The following RPH3AL variants were observed in gnomAD, a reference collection of about 807,000 sequenced individuals.
RPH3AL encodes the protein rab effector Noc2.
A neutral mutation model predicts 43.1 loss-of-function variants in RPH3AL; 38 were observed. The ratio of observed to expected loss-of-function variants is 0.88; its 90% CI spans 0.68 to 1.15. RPH3AL has a LOEUF of 1.15. RPH3AL is among the 50% of genes most tolerant of loss of function. The pLI is 0.00. For synonymous variants in RPH3AL, 189 were observed against 176.3 expected (o/e 1.07, Z -0.57); for missense variants, 462 against 423.2 (o/e 1.09, Z -0.81).
intron 5 of RPH3AL, among the ~76,000 whole-genome samples, chr17:308,758 G>A (rs377217748): frequency 1.3e-5 from 2 of 152,168 alleles, no homozygotes; most frequent in South Asian, 4.1e-4. Context: ...GAACATCCAG[G>A]TGAGGTCCTC....
At chr17:277,688 C>T (rs1299458624) in intron 6 of RPH3AL, among the ~76,000 whole-genome samples, 3 of 152,120 alleles carry the variant, frequency 2.0e-5, no homozygotes, top group Non-Finnish European at 2.9e-5. Context: ...GGTGTAGTGG[C>T]TCACGCCTGT....
At chr17:226,745 G>A (rs1274878731) in intron 7 of RPH3AL, among the ~76,000 whole-genome samples, 2 of 152,178 alleles carry the variant, frequency 1.3e-5, no homozygotes, top group East Asian at 1.9e-4. Flanking sequence ...TTTGCCATTC[G>A]ATTGCTGTTG....
chr17:268,553 G>T (rs990637842), intron 6 of RPH3AL, among the ~76,000 whole-genome samples: 19 of 74,546 alleles, frequency 2.5e-4, no homozygotes, highest in South Asian at 1.2e-3. Flanking sequence ...ATGTTTTTGG[G>T]TTTTTTTTTT....
At chr17:253,658 C>T in intron 6 of RPH3AL, among the ~76,000 whole-genome samples, 1 of 151,974 alleles carries the variant, frequency 6.6e-6, no homozygotes, top group Admixed American at 6.6e-5. Flanking sequence ...CCCCAGTCTG[C>T]TGTCTGTCCC....
At chr17:276,399 C>T (rs2042656164) in intron 6 of RPH3AL, among the ~76,000 whole-genome samples, 1 of 152,100 alleles carries the variant, frequency 6.6e-6, no homozygotes, top group Non-Finnish European at 1.5e-5. Flanking sequence ...AGAGACAGGG[C>T]CTTGCTCTAA....
chr17:218,878 C>G (rs1181248225), intron 8 of RPH3AL, among the ~76,000 whole-genome samples: 1 of 152,174 alleles, frequency 6.6e-6, no homozygotes, highest in Non-Finnish European at 1.5e-5. Context: ...CAGGACTGAC[C>G]TAGTGCAGGG....
intron 7 of RPH3AL, among the ~76,000 whole-genome samples, chr17:239,633 T>C (rs1216460268): frequency 6.6e-6 from 1 of 152,182 alleles, no homozygotes; most frequent in East Asian, 1.9e-4. Context: ...TGTTTTGTTT[T>C]GTTTTTTTGA....
Position 290,967 on chromosome 17 carries a change from C to T in RPH3AL, c.352-9113G>A, listed in dbSNP as rs2043035293. On this transcript the variant is annotated intron_variant, in intron 5 of 9. Transcript: ENST00000331302. The surrounding 1 kb of genome is among the most constrained non-coding windows in gnomAD (Gnocchi z 4.2). Reference sequence around the variant, plus strand: ...CGCTCAAACGTCCTGTACAAGGAGGCCTGGACCATCCATGGCACAGAGAGG... The same window carrying T: ...CGCTCAAACGTCCTGTACAAGGAGGTCTGGACCATCCATGGCACAGAGAGG... 1.3e-5 allele frequency among the ~76,000 whole-genome samples: 2 copies of T among 151,808 alleles called. No individual in the cohort carries two copies. Among genetic ancestry groups the T allele is most frequent in the African/African-American group, 4.8e-5 (2 of 41,288 alleles).
chr17:280,424 G>A (rs975562093), intron 6 of RPH3AL, among the ~76,000 whole-genome samples: 1 of 152,194 alleles, frequency 6.6e-6, no homozygotes. Context: ...GTCACGGCTG[G>A]GATGAGGGTC....
chr17:334,291 G>A (rs184075995), intron 1 of RPH3AL, among the ~76,000 whole-genome samples: 90 of 152,330 alleles, frequency 5.9e-4, no homozygotes, highest in African/African-American at 9.9e-4. Context: ...AACAACAGCC[G>A]CCCGCAGCTG....
At chr17:268,371 C>G (rs564052948) in intron 6 of RPH3AL, among the ~76,000 whole-genome samples, 1 of 152,132 alleles carries the variant, frequency 6.6e-6, no homozygotes, top group East Asian at 1.9e-4. Flanking sequence ...TCATGATTTT[C>G]TTAATAACAT....
chr17:343,931 C>CATCAT (rs2045182364), intron 1 of RPH3AL, among the ~76,000 whole-genome samples: 7 of 123,978 alleles, frequency 5.6e-5, no homozygotes. Context: ...CTCATCATCA[C>CATCAT]CATCATCATC....
At position 225,160 on chromosome 17, in the gene RPH3AL, T is replaced by A. The variant is rs910359611; in HGVS notation, c.614-5424A>T. Among the ~76,000 whole-genome samples the A allele has an allele frequency of 6.7e-6, 1 of 149,984 alleles. No homozygotes were observed. Among genetic ancestry groups the A allele is most frequent in the Non-Finnish European group, 1.5e-5 (1 of 67,698 alleles). On this transcript the variant is annotated intron_variant, in intron 7 of 9. Transcript: ENST00000331302. This position sits in a 1 kb window ranked among gnomAD's most constrained non-coding sequence, Gnocchi z 4.4. ...GATGAGCATGGGATCAGGCCTGGCCTCTCCTTCCTCCATCTGCTCAGAGGC... is the reference window on the plus strand; with the variant it reads ...GATGAGCATGGGATCAGGCCTGGCCACTCCTTCCTCCATCTGCTCAGAGGC...
chr17:323,517 G>A lies in RPH3AL; in HGVS notation c.78-2102C>T, dbSNP rs374780273. Among the ~76,000 whole-genome samples the A allele has an allele frequency of 2.6e-5, 4 of 152,316 alleles. No homozygotes were observed. The East Asian group carries it at 5.8e-4, about 22-fold the overall frequency. The stretch of plus-strand genomic sequence containing the variant: ...CATCTGAGCATTTCGGAGGCTCCAG[G>A]GGTCAGTGATGGGCCAGGACACACT... On this transcript the variant is annotated intron_variant, in intron 3 of 9. Transcript: ENST00000331302. This position sits in a 1 kb window ranked among gnomAD's most constrained non-coding sequence, Gnocchi z 4.4.
Position 245,510 on chromosome 17 carries a change from G to A in RPH3AL, c.613+1601C>T, listed in dbSNP as rs1214082468. On this transcript the variant is annotated intron_variant, in intron 7 of 9. Coordinates refer to ENST00000331302, the MANE Select transcript of RPH3AL (RefSeq NM_006987.4). This position sits in a 1 kb window ranked among gnomAD's most constrained non-coding sequence, Gnocchi z 5.9. ...GTGTATGCCCTGACTTGGAGCAGAC[G>A]GGGCAGTGGCAGCTCTTGAAGTGGG... 6.6e-6 allele frequency among the ~76,000 whole-genome samples: 1 copy of A among 151,922 alleles called. No individual in the cohort carries two copies. The highest frequency in any genetic ancestry group is 1.5e-5 in the Non-Finnish European group (1 of 67,982).
At chr17:227,877 CA>C (rs200247717) in intron 7 of RPH3AL, among the ~76,000 whole-genome samples, 5 of 149,986 alleles carry the variant, frequency 3.3e-5, no homozygotes, top group South Asian at 4.2e-4. Flanking sequence ...ATACTAAAAA[CA>C]AAAAAAAAAT....
chr17:279,830 G>A (rs1157575524), intron 6 of RPH3AL, among the ~76,000 whole-genome samples: 2 of 152,218 alleles, frequency 1.3e-5, no homozygotes, highest in Non-Finnish European at 2.9e-5. Flanking sequence ...GAGATTTCTG[G>A]CTGAAGAGGA....
intron 5 of RPH3AL, among the ~76,000 whole-genome samples, chr17:317,791 T>G (rs955772174): frequency 3.9e-5 from 6 of 152,228 alleles, no homozygotes; most frequent in African/African-American, 1.2e-4. Flanking sequence ...CTCATCCAGC[T>G]TTTGAATGCC....
intron 1 of RPH3AL, chr17:341,050 C>A (rs1174004077): frequency 1.4e-5 from 1 of 73,794 alleles, no homozygotes; most frequent in African/African-American, 7.4e-5. Flanking sequence ...ACACTCACTG[C>A]CCCTGCCCAG....
Sources: allele counts gnomAD v4.1 joint callset (sites outside exome capture counted in the v4.1 genomes callset), GRCh38; gene constraint gnomAD v4.1.1; non-coding constraint Gnocchi (gnomAD v3.1); transcripts MANE v1.5; gene names NCBI Gene and HGNC (gene_info 2026-07-23, HGNC 2026-07-21).